Variants in ZFP92 observed in about 807,000 individuals in gnomAD.
ZFP92 encodes the protein ZFP92 zinc finger protein, also known as zinc finger protein 92 homolog.
A neutral mutation model predicts 7.6 loss-of-function variants in ZFP92; 2 were observed. The observed-to-expected ratio is 0.26, with a 90% confidence interval of 0.11 to 0.83. The LOEUF (loss-of-function observed/expected upper bound fraction) is 0.83, where lower values mean the gene tolerates loss of function less well. Among genes scored for constraint, ZFP92 ranks in the 40% least tolerant of loss-of-function variants. The pLI, the probability that ZFP92 is intolerant of heterozygous loss-of-function variation, is 0.65. For synonymous variants in ZFP92, 226 were observed against 183.6 expected, an observed-to-expected ratio of 1.23 and a Z score of -1.87; for missense variants, 324 against 408.3, an observed-to-expected ratio of 0.79 and a Z score of 1.78.
chrX:153,416,855 G>T (rs1377115482), intron 2 of ZFP92, among the ~76,000 whole-genome samples: 3 of 111,812 alleles, frequency 2.7e-5, no homozygotes, highest in Non-Finnish European at 5.6e-5. Flanking sequence ...TCCATTCAGG[G>T]TGGGAGTCTA....
In ZFP92 at chrX:153,424,748, C is replaced by G. The variant is rs1458028735; in HGVS notation, c.*3120C>G. ...GTCTCCATGTAACTAGTAAATTGTC[C>G]TGGCTGGATTCGTTGTGAAATGGAA... On this transcript the variant is annotated 3_prime_UTR_variant, in exon 6 of 6. Transcript: ENST00000338647. 8.9e-6 allele frequency: 1 copy of G among 112,755 alleles called. No homozygotes were observed. Among genetic ancestry groups the G allele is most frequent in the Non-Finnish European group, 1.9e-5 (1 of 53,364 alleles). 9.3% of individuals were successfully genotyped at this position (112,755 alleles called of 1,213,427 possible).
At position 153,421,808 on chromosome X, in the gene ZFP92, C is replaced by T. The variant is rs1290622294; in HGVS notation, c.*180C>T. The T allele has an allele frequency of 3.5e-6, 2 of 566,031 alleles. No individual in the cohort carries two copies. The highest frequency in any genetic ancestry group is 4.6e-6 in the Non-Finnish European group (2 of 433,718). The allele number at this position is 566,031 out of a possible 1,213,427, so 46.6% of individuals were successfully genotyped here. ...AGAGCCTCACCCTGAGGCTGAGAAA[C>T]GCAGGAAGGACTCAGAACCGAGGAC... On this transcript the variant is annotated 3_prime_UTR_variant, in exon 6 of 6. Transcript: ENST00000338647.
At position 153,421,014 on chromosome X, in the gene ZFP92, T is replaced by A. The variant is rs782612249; in HGVS notation, c.637T>A (p.Cys213Ser). 8.3e-7 allele frequency: 1 copy of A among 1,200,628 alleles called. No homozygotes were observed. The highest frequency in any genetic ancestry group is 2.3e-5 in the Admixed American group (1 of 44,441). The change falls in exon 6 of 6, where the codon TGC (cysteine) becomes AGC (serine). Residue 213 changes from cysteine (C) to serine (S), a missense_variant. Physicochemically the swap from Cys to Ser is moderately radical, Grantham distance 112 (BLOSUM62 -1). Transcript: ENST00000338647. ...CGAGAAGCCCTACGCCTGCCCCGAG[T>A]GCAGCAAGACCTTCACGCGCAGCTC... is the stretch of plus-strand genomic sequence containing the variant. Reference protein sequence around the residue: ...SGEKPYACPECSKTFTRSSNL... With the variant: ...SGEKPYACPESSKTFTRSSNL...
rs3987736 is a variant in ZFP92, at chrX:153,423,393, TACACACACACACACACAC to T, written c.*1788_*1805del. ...TAGGACAACTCCAGAAATAATGTTA[TACACACACACACACACAC>T]ACACACACACACACACACACACGAT... On this transcript the variant is annotated 3_prime_UTR_variant, in exon 6 of 6. Transcript: ENST00000338647. The T allele has an allele frequency of 1.1e-4, 10 of 93,983 alleles. No individual in the cohort carries two copies. Among genetic ancestry groups the T allele is most frequent in the South Asian group, 5.8e-4 (1 of 1,715 alleles). The allele number at this position is 93,983 out of a possible 1,213,427, so 7.7% of individuals were successfully genotyped here.
rs2088990468 is a variant in ZFP92 at position 153,420,634 on chromosome X, T to A, written c.266-9T>A. 9.1e-7 allele frequency: 1 copy of A among 1,104,572 alleles called. No homozygotes were observed. Among genetic ancestry groups the A allele is most frequent in the African/African-American group, 1.9e-5 (1 of 53,491 alleles). 91.0% of individuals were successfully genotyped at this position (1,104,572 alleles called of 1,213,427 possible). ...GAGGGTGACACTGCCTGGTGCTCTG[T>A]CTTTCCAGGTGACAGAACACAGAGC... On this transcript the variant is annotated splice_polypyrimidine_tract_variant and intron_variant, in intron 5 of 5. Coordinates refer to ENST00000338647, the MANE Select transcript of ZFP92 (RefSeq NM_001136273.2).
At chrX:153,420,571 T>G in intron 5 of ZFP92, 72 bp from the exon 6 acceptor site, 1 of 1,097,007 alleles carries the variant, frequency 9.1e-7, no homozygotes. Context: ...TCCCCCTATG[T>G]TCTCACCTCC....
At chrX:153,416,130 C>T (rs1046895334) in intron 2 of ZFP92, among the ~76,000 whole-genome samples, 1 of 111,371 alleles carries the variant, frequency 9.0e-6, no homozygotes, top group Non-Finnish European at 1.9e-5. Flanking sequence ...AGGCAGGTTG[C>T]TTCCTTGTGG....
rs2089021243 is a variant in ZFP92, at chrX:153,423,415, C to CAT, written c.*1788_*1789insTA. The CAT allele has an allele frequency of 9.0e-6, 1 of 111,037 alleles. No individual in the cohort carries two copies. The highest frequency in any genetic ancestry group is 3.8e-4 in the South Asian group (1 of 2,601). The allele number at this position is 111,037 out of a possible 1,213,427, so 9.2% of individuals were successfully genotyped here. ...TTATACACACACACACACACACACA[C>CAT]ACACACACACACACACACGATATAT... On this transcript the variant is annotated 3_prime_UTR_variant, in exon 6 of 6. Transcript: ENST00000338647.
chrX:153,416,175 C>T (rs1259618605), intron 2 of ZFP92, among the ~76,000 whole-genome samples: 3 of 111,388 alleles, frequency 2.7e-5, no homozygotes, highest in Admixed American at 9.5e-5. Flanking sequence ...GGACACTGGA[C>T]ATTGAGTGCC....
At chrX:153,417,661 C>T (rs782584842) in intron 2 of ZFP92, among the ~76,000 whole-genome samples, 5 of 111,735 alleles carry the variant, frequency 4.5e-5, no homozygotes, top group Non-Finnish European at 9.4e-5. Context: ...CGGGCTCCCT[C>T]GAAAGCCTGG....
rs1218681777 is a variant in ZFP92 at position 153,423,023 on chromosome X, A to C, written c.*1395A>C. The C allele has an allele frequency of 9.0e-6, 1 of 111,432 alleles. No homozygotes were observed. The highest frequency in any genetic ancestry group is 3.3e-5 in the African/African-American group (1 of 30,077). 9.2% of individuals were successfully genotyped at this position (111,432 alleles called of 1,213,427 possible). On this transcript the variant is annotated 3_prime_UTR_variant, in exon 6 of 6. Transcript: ENST00000338647. The stretch of plus-strand genomic sequence containing the variant: ...AAACAGGGCAGACTCTTCAAATGGC[A>C]CTTTACTGAAAGCCAAGGGGAATTC...
chrX:153,421,488 G>T lies in ZFP92; in HGVS notation c.1111G>T (p.Gly371Cys). The stretch of plus-strand genomic sequence containing the variant: ...CCTATTCAAGCACCAGGCAGTGCAC[G>T]GCGCCAGGCGCCCTGCGAAGGCGGA... Reference protein sequence around the residue: ...ANLFKHQAVHGARRPAKAETA... With the variant: ...ANLFKHQAVHCARRPAKAETA... Residue 371 changes from glycine to cysteine, a missense_variant, in exon 6 of 6, where the codon GGC (glycine) becomes TGC (cysteine). Physicochemically the swap from Gly to Cys is radical, Grantham distance 159. Transcript: ENST00000338647. 8.7e-7 allele frequency: 1 copy of T among 1,145,751 alleles called. No homozygotes were observed. Among genetic ancestry groups the T allele is most frequent in the Non-Finnish European group, 1.2e-6 (1 of 867,967 alleles). 94.4% of individuals were successfully genotyped at this position (1,145,751 alleles called of 1,213,427 possible).
At chrX:153,414,797 C>G (rs899372197) in intron 2 of ZFP92, among the ~76,000 whole-genome samples, 1 of 111,143 alleles carries the variant, frequency 9.0e-6, no homozygotes, top group Admixed American at 9.5e-5. Context: ...CATCCCCCCA[C>G]CCCCGGGCAC....
chrX:153,421,652 G>A lies in ZFP92; in HGVS notation c.*24G>A, dbSNP rs2124300598. The stretch of plus-strand genomic sequence containing the variant: ...GACTCCCCGCCAGCGCACCCAGGGC[G>A]CGGCCGGTCTGCGTGGGGGGCCTTC... On this transcript the variant is annotated 3_prime_UTR_variant, in exon 6 of 6. Coordinates refer to ENST00000338647, the MANE Select transcript of ZFP92 (RefSeq NM_001136273.2). 1 of 947,044 alleles carries A rather than the reference G, an allele frequency of 1.1e-6. No individual in the cohort carries two copies. Among genetic ancestry groups the A allele is most frequent in the African/African-American group, 2.1e-5 (1 of 48,266 alleles). The allele number at this position is 947,044 out of a possible 1,213,427, so 78.0% of individuals were successfully genotyped here.
chrX:153,425,672 T>G lies in ZFP92; in HGVS notation c.*4044T>G, dbSNP rs782027072. On this transcript the variant is annotated 3_prime_UTR_variant, in exon 6 of 6. Transcript: ENST00000338647. ...GGGGCATGATGACGCTGAGGCAACA[T>G]GAGAGGGGACGTCTTTGACACCAGG... 2.7e-5 allele frequency: 3 copies of G among 111,120 alleles called. No individual in the cohort carries two copies. The highest frequency in any genetic ancestry group is 5.7e-4 in the East Asian group (2 of 3,497). 9.2% of individuals were successfully genotyped at this position (111,120 alleles called of 1,213,427 possible). A position where few individuals can be genotyped will look rare whatever the true frequency, so the allele number is the denominator to read the frequency against.
chrX:153,421,062 A>C lies in ZFP92; in HGVS notation c.685A>C (p.Ile229Leu). Residue 229 changes from isoleucine to leucine, a missense_variant, in exon 6 of 6, where the codon ATC (isoleucine) becomes CTC (leucine). Coordinates refer to ENST00000338647, the MANE Select transcript of ZFP92 (RefSeq NM_001136273.2). ...RSSNLIKHQV[I>L]HSGERPFACG... ...CTCCAACCTCATCAAGCACCAGGTC[A>C]TCCACAGCGGCGAGCGGCCCTTCGC... 8.4e-7 allele frequency: 1 copy of C among 1,191,534 alleles called. No homozygotes were observed. Among genetic ancestry groups the C allele is most frequent in the Non-Finnish European group, 1.1e-6 (1 of 885,162 alleles).
At chrX:153,420,599 G>C in intron 5 of ZFP92, 44 bp from the exon 6 acceptor site, 8 of 1,100,614 alleles carry the variant, frequency 7.3e-6, no homozygotes, top group Non-Finnish European at 9.5e-6. Flanking sequence ...TCATCTCTCT[G>C]ACTTGGCATG....
In ZFP92 at chrX:153,422,631, C is replaced by T. The variant is rs1196652418; in HGVS notation, c.*1003C>T. On this transcript the variant is annotated 3_prime_UTR_variant, in exon 6 of 6. Transcript: ENST00000338647. ...TGCTCCTCCCCATCAGGCAGCCTCT[C>T]TTGCGGCTGGTGACGATTAGGAGGA... 3 of 110,929 alleles carry T rather than the reference C, an allele frequency of 2.7e-5. No individual in the cohort carries two copies. The highest frequency in any genetic ancestry group is 5.7e-5 in the Non-Finnish European group (3 of 52,902). The allele number at this position is 110,929 out of a possible 1,213,427, so 9.1% of individuals were successfully genotyped here.
At chrX:153,413,122 T>A (rs112347401) in intron 2 of ZFP92, among the ~76,000 whole-genome samples, 3,635 of 110,248 alleles carry the variant, frequency 0.033, 141 homozygotes, top group African/African-American at 0.11. Context: ...AGAAGCAAGA[T>A]CCCCCAGGAC....
Sources: allele counts gnomAD v4.1 joint callset (sites outside exome capture counted in the v4.1 genomes callset), GRCh38; gene constraint gnomAD v4.1.1; transcripts MANE v1.5; gene names NCBI Gene and HGNC (gene_info 2026-07-23, HGNC 2026-07-21).